The following PGR variants were observed in gnomAD, a reference collection of about 807,000 sequenced individuals.
The protein encoded by PGR is progesterone receptor, also known as nuclear receptor subfamily 3 group C member 3.
A neutral mutation model predicts 76.1 loss-of-function variants in PGR; 25 were observed. That is an observed-to-expected ratio of 0.33 (90% CI 0.24 to 0.46). The LOEUF (loss-of-function observed/expected upper bound fraction) is 0.46. PGR is among the 20% of genes least tolerant of loss of function. The pLI, the probability that PGR is intolerant of heterozygous loss-of-function variation, is 1.00. For synonymous variants in PGR, 579 were observed against 535.0 expected, an observed-to-expected ratio of 1.08 and a Z score of -1.14; for missense variants, 1,172 against 1,225.3, an observed-to-expected ratio of 0.96 and a Z score of 0.65.
At position 101,062,580 on chromosome 11, in the gene PGR, G is replaced by C. The variant is rs566511001; in HGVS notation, c.2079C>G (p.Ser693Arg). The change falls in exon 4 of 8, where the codon AGC becomes AGG. Residue 693 changes from serine (S) to arginine (R), a missense_variant. Ser to Arg is a moderately radical substitution (Grantham distance 110). This residue lies in a region of PGR where 166 missense variants were observed against 296.0 expected (regional missense o/e 0.56). Transcript: ENST00000325455. ...LIPPLINLLM[S>R]IEPDVIYAGH... ...CTGCATAGATCACATCTGGTTCAATGCTCATTAACAGGTTGATCAGTGGTG... is the reference window on the plus strand; with the variant it reads ...CTGCATAGATCACATCTGGTTCAATCCTCATTAACAGGTTGATCAGTGGTG... 147 of 1,614,008 alleles carry C rather than the reference G, an allele frequency of 9.1e-5. 1 individual carries two copies. The South Asian group carries it at 1.6e-3, about 17-fold the overall frequency.
At chr11:101,105,115 A>C (rs1009659346) in intron 2 of PGR, among the ~76,000 whole-genome samples, 1 of 152,240 alleles carries the variant, frequency 6.6e-6, no homozygotes, top group Non-Finnish European at 1.5e-5. Context: ...TAAGCCAGGG[A>C]GAAGAGTAGT....
chr11:101,046,063 A>G (rs1309350524), intron 6 of PGR, among the ~76,000 whole-genome samples: 1 of 151,588 alleles, frequency 6.6e-6, no homozygotes, highest in Non-Finnish European at 1.5e-5. Flanking sequence ...ATTTTTTCTT[A>G]ATTTTTCATA....
At chr11:101,106,202 G>T (rs1198148219) in intron 2 of PGR, among the ~76,000 whole-genome samples, 2 of 152,116 alleles carry the variant, frequency 1.3e-5, no homozygotes, top group Non-Finnish European at 2.9e-5. Flanking sequence ...AAAAGCAATG[G>T]CAACAAAAGC....
At chr11:101,053,834 C>T (rs1860192707) in intron 4 of PGR, among the ~76,000 whole-genome samples, 1 of 151,592 alleles carries the variant, frequency 6.6e-6, no homozygotes, top group African/African-American at 2.4e-5. Context: ...TCCTTCCTTT[C>T]TCTGTGTGGG....
intron 2 of PGR, among the ~76,000 whole-genome samples, chr11:101,093,961 T>A (rs1861758067): frequency 6.6e-6 from 1 of 152,178 alleles, no homozygotes. Flanking sequence ...TTATTCAGTG[T>A]CTCAAAGAGT....
chr11:101,053,519 CCCT>C (rs150561998), intron 4 of PGR, among the ~76,000 whole-genome samples: 235 of 138,378 alleles, frequency 1.7e-3, no homozygotes, highest in African/African-American at 6.5e-3. Context: ...CTCCCCTTCT[CCCT>C]CCTTTCTTCC....
At chr11:101,076,467 A>G (rs907551834) in intron 3 of PGR, among the ~76,000 whole-genome samples, 1 of 152,118 alleles carries the variant, frequency 6.6e-6, no homozygotes, top group African/African-American at 2.4e-5. Context: ...AAATATAATA[A>G]AAAATTTGAA....
intron 4 of PGR, among the ~76,000 whole-genome samples, chr11:101,053,438 T>A (rs1431759681): frequency 6.6e-6 from 1 of 152,190 alleles, no homozygotes; most frequent in Admixed American, 6.6e-5. Context: ...GATGCCATAG[T>A]GAGCATTTAC....
At chr11:101,125,908 T>C (rs960740654) in intron 2 of PGR, 99 bp downstream of exon 2, 1 of 1,036,436 alleles carries the variant, frequency 9.6e-7, no homozygotes, top group Non-Finnish European at 1.5e-6. Flanking sequence ...ATATCACCAT[T>C]TCTTATAAGA....
At chr11:101,126,501 CT>C (rs1302181283) in intron 1 of PGR, among the ~76,000 whole-genome samples, 4 of 152,140 alleles carry the variant, frequency 2.6e-5, no homozygotes, top group Non-Finnish European at 5.9e-5. Flanking sequence ...ATGTTATGTC[CT>C]TCCTGTCTGT....
intron 1 of PGR, among the ~76,000 whole-genome samples, 196 bp from the exon 2 acceptor site, chr11:101,126,354 G>A (rs2135510732): frequency 6.6e-6 from 1 of 152,200 alleles, no homozygotes; most frequent in South Asian, 2.1e-4. Flanking sequence ...CAAATGATTA[G>A]CCATTCATCA....
In PGR at chr11:101,127,994, G is replaced by T. The variant is rs1426395600; in HGVS notation, c.1077C>A (p.Pro359=). Residue 359 remains proline (P), a synonymous_variant, in exon 1 of 8, where the codon CCC becomes CCA. Transcript: ENST00000325455. ...SSTPVAVGDF[P]DCAYPPDAEP... ...CGGCGTCGGGCGGGTACGCGCAGTC[G>T]GGGAAGTCGCCTACAGCGACCGGGG... 1 of 1,611,550 alleles carries T rather than the reference G, an allele frequency of 6.2e-7. No individual in the cohort carries two copies. Among genetic ancestry groups the T allele is most frequent in the South Asian group, 1.1e-5 (1 of 91,074 alleles).
rs1275898745 is a variant in PGR, at chr11:101,031,572, G to A, written c.*7544C>T. ...TGTGGAGGGCTCATGAAGTCACAAT[G>A]TTCTACTGAGAATTTAGCTTTTTTT... On this transcript the variant is annotated 3_prime_UTR_variant, in exon 8 of 8. Transcript: ENST00000325455. The A allele has an allele frequency of 3.3e-5, 7 of 215,260 alleles. No homozygotes were observed. The highest frequency in any genetic ancestry group is 5.6e-5 in the Non-Finnish European group (6 of 107,948). The allele number at this position is 215,260 out of a possible 1,614,324, so 13.3% of individuals were successfully genotyped here.
At chr11:101,100,660 A>T (rs1286205377) in intron 2 of PGR, among the ~76,000 whole-genome samples, 1 of 152,004 alleles carries the variant, frequency 6.6e-6, no homozygotes, top group Non-Finnish European at 1.5e-5. Flanking sequence ...AACAACTAGT[A>T]ATTATTTTGA....
At chr11:101,125,597 G>A (rs1227198229) in intron 2 of PGR, among the ~76,000 whole-genome samples, 1 of 151,962 alleles carries the variant, frequency 6.6e-6, no homozygotes, top group Admixed American at 6.6e-5. Context: ...ATATGTATAC[G>A]CATACATGTA....
chr11:101,030,019 C>G lies in PGR; in HGVS notation c.*9097G>C, dbSNP rs1478486402. On this transcript the variant is annotated 3_prime_UTR_variant, in exon 8 of 8. Coordinates refer to ENST00000325455, the MANE Select transcript of PGR (RefSeq NM_000926.4). ...CCTTCAGAACAATTGTCAACATACTCTCAAATGTCTTTCCCACTCAGAAAT... is the reference window on the plus strand; with the variant it reads ...CCTTCAGAACAATTGTCAACATACTGTCAAATGTCTTTCCCACTCAGAAAT... The G allele has an allele frequency of 1.4e-5, 3 of 221,946 alleles. No individual in the cohort carries two copies. In the East Asian group the frequency reaches 2.0e-4, roughly 15 times the overall value. The allele number at this position is 221,946 out of a possible 1,614,324, so 13.7% of individuals were successfully genotyped here.
chr11:101,042,671 T>C (rs1859731306), intron 6 of PGR, among the ~76,000 whole-genome samples: 1 of 152,156 alleles, frequency 6.6e-6, no homozygotes, highest in Non-Finnish European at 1.5e-5. Context: ...ATATTTATCT[T>C]ATATCCAGCC....
intron 2 of PGR, among the ~76,000 whole-genome samples, chr11:101,118,186 AC>A (rs1565367341): frequency 6.6e-6 from 1 of 152,350 alleles, no homozygotes; most frequent in East Asian, 1.9e-4. Flanking sequence ...GTTCTGCTCT[AC>A]TGTTGACTAA....
At chr11:101,088,202 A>T (rs1227551687) in intron 3 of PGR, among the ~76,000 whole-genome samples, 1 of 150,220 alleles carries the variant, frequency 6.7e-6, no homozygotes, top group Non-Finnish European at 1.5e-5. Flanking sequence ...TGTCTCAAAA[A>T]AGAAAACTCA....
Sources: allele counts gnomAD v4.1 joint callset (sites outside exome capture counted in the v4.1 genomes callset), GRCh38; gene constraint gnomAD v4.1.1; regional missense constraint gnomAD v4.1.1; transcripts MANE v1.5; gene names NCBI Gene and HGNC (gene_info 2026-07-23, HGNC 2026-07-21).